GABRA3: variants seen among roughly 807,000 people sequenced by gnomAD.
The protein encoded by GABRA3 is gamma-aminobutyric acid type A receptor subunit alpha3.
A neutral mutation model predicts 30.1 loss-of-function variants in GABRA3; 10 were observed. That is an observed-to-expected ratio of 0.33 (90% CI 0.20 to 0.56). The LOEUF is 0.56. GABRA3 is among the 20% of genes least tolerant of loss of function. GABRA3 has a pLI of 0.89. For synonymous variants in GABRA3, 151 were observed against 146.8 expected (o/e 1.03, Z -0.21); for missense variants, 233 against 392.0 (o/e 0.59, Z 3.42).
rs778225241 is a variant in GABRA3 at position 152,262,493 on chromosome X, G to A, written c.331-6495C>T. Among the ~76,000 whole-genome samples, 8 of 111,735 alleles carry A rather than the reference G, an allele frequency of 7.2e-5. No homozygotes were observed. In the South Asian group the frequency reaches 1.1e-3, roughly 16 times the overall value. On this transcript the variant is annotated intron_variant, in intron 4 of 9. Transcript: ENST00000370314. ...TTTCAAATTCAAAGTTCCACAGATC[G>A]CTAGGGCAGGGGCAAAATTTCACCG...
chrX:152,411,711 A>G (rs1276779236), intron 1 of GABRA3, among the ~76,000 whole-genome samples: 1 of 111,823 alleles, frequency 8.9e-6, no homozygotes, highest in Non-Finnish European at 1.9e-5. Context: ...ACAAAATAAA[A>G]GATAGATAAA....
chrX:152,190,490 T>A (rs1937309650), intron 8 of GABRA3, among the ~76,000 whole-genome samples: 1 of 111,359 alleles, frequency 9.0e-6, no homozygotes, highest in Non-Finnish European at 1.9e-5. Flanking sequence ...CTTGTTTACT[T>A]CCTTCCCTAA....
chrX:152,309,959 T>C (rs1391548329), intron 3 of GABRA3, among the ~76,000 whole-genome samples: 1 of 110,218 alleles, frequency 9.1e-6, no homozygotes, highest in Non-Finnish European at 1.9e-5. Context: ...CAAACAGAAA[T>C]CCAAAAAAAG....
intron 3 of GABRA3, among the ~76,000 whole-genome samples, chrX:152,306,500 C>G (rs939055576): frequency 8.9e-6 from 1 of 112,014 alleles, no homozygotes; most frequent in African/African-American, 3.2e-5. Flanking sequence ...TTTGCAATCA[C>G]TGTTGCTTAA....
At chrX:152,173,001 T>C (rs1273648440) in intron 9 of GABRA3, among the ~76,000 whole-genome samples, 4 of 111,110 alleles carry the variant, frequency 3.6e-5, no homozygotes, top group Non-Finnish European at 5.7e-5. Context: ...CATATATGAT[T>C]AAATCAGAGA....
rs753881913 is a variant in GABRA3 at position 152,241,285 on chromosome X, G to T, written c.551+14493C>A. Reference sequence around the variant, plus strand: ...TGAGGTGTCAGTGTGCCCCTGCTGGGGGGTGCCTCCCAGTTAGGCTGCTCA... The same window carrying T: ...TGAGGTGTCAGTGTGCCCCTGCTGGTGGGTGCCTCCCAGTTAGGCTGCTCA... On this transcript the variant is annotated intron_variant, in intron 5 of 9. Coordinates refer to ENST00000370314, the MANE Select transcript of GABRA3 (RefSeq NM_000808.4). Among the ~76,000 whole-genome samples the T allele has an allele frequency of 9.7e-3, 854 of 87,699 alleles. 16 individuals carry two copies. Among genetic ancestry groups the T allele is most frequent in the African/African-American group, 0.027 (806 of 29,319 alleles). 76.2% of individuals were successfully genotyped at this position (87,699 alleles called of 115,157 possible).
chrX:152,171,857 GT>G (rs1260394362), intron 9 of GABRA3, among the ~76,000 whole-genome samples: 20 of 111,870 alleles, frequency 1.8e-4, no homozygotes, highest in African/African-American at 6.5e-4. Flanking sequence ...TTTCATGTGG[GT>G]TTTGTGATGA....
intron 1 of GABRA3, among the ~76,000 whole-genome samples, chrX:152,390,023 C>T (rs755064728): frequency 9.0e-6 from 1 of 111,074 alleles, no homozygotes; most frequent in Non-Finnish European, 1.9e-5. Flanking sequence ...GATTTGGGGG[C>T]AAAGTAAATG....
intron 2 of GABRA3, among the ~76,000 whole-genome samples, chrX:152,358,330 G>A (rs934466797): frequency 9.0e-5 from 10 of 111,340 alleles, no homozygotes; most frequent in African/African-American, 2.3e-4. Context: ...ATGGGATTGC[G>A]TTTTTGATTT....
intron 5 of GABRA3, among the ~76,000 whole-genome samples, chrX:152,232,686 C>CAT (rs760935178): frequency 5.7e-5 from 6 of 105,954 alleles, no homozygotes; most frequent in Non-Finnish European, 9.7e-5. Flanking sequence ...TATATATATA[C>CAT]ATATATATAT....
intron 4 of GABRA3, among the ~76,000 whole-genome samples, chrX:152,270,972 T>G (rs979488048): frequency 9.2e-6 from 1 of 109,077 alleles, no homozygotes; most frequent in Non-Finnish European, 1.9e-5. Flanking sequence ...TTCTTTTTTT[T>G]TTTTTTGAGA....
chrX:152,300,337 G>C (rs1457995130), intron 3 of GABRA3, among the ~76,000 whole-genome samples: 2 of 110,974 alleles, frequency 1.8e-5, no homozygotes, highest in African/African-American at 3.3e-5. Flanking sequence ...ACGAGATGTA[G>C]ACTATCACCC....
chrX:152,269,846 AATGGATTGAAGACTT>A (rs1243508542), intron 4 of GABRA3, among the ~76,000 whole-genome samples: 3 of 111,986 alleles, frequency 2.7e-5, no homozygotes, highest in Non-Finnish European at 5.6e-5. Context: ...ATAAAATCAA[AATGGATTGAAGACTT>A]AAATTTAAGA....
intron 2 of GABRA3, among the ~76,000 whole-genome samples, chrX:152,359,617 G>C (rs143147872): frequency 3.3e-3 from 363 of 110,063 alleles, no homozygotes; most frequent in African/African-American, 0.012. Context: ...TTTCCTCTTG[G>C]TTCTCTAGTT....
At chrX:152,292,184 C>A (rs1007478328) in intron 3 of GABRA3, among the ~76,000 whole-genome samples, 5 of 111,527 alleles carry the variant, frequency 4.5e-5, no homozygotes, top group South Asian at 3.7e-4. Context: ...ATTATTGTCT[C>A]AATTTCAGAG....
intron 4 of GABRA3, among the ~76,000 whole-genome samples, chrX:152,265,351 A>G (rs1291122243): frequency 8.9e-6 from 1 of 111,752 alleles, no homozygotes; most frequent in Non-Finnish European, 1.9e-5. Context: ...GGAATTTTGG[A>G]AACTACACAA....
rs751438293 is a variant in GABRA3 at position 152,262,058 on chromosome X, C to T, written c.331-6060G>A. ...AGCTGCCAAGGCTTGGGGCTTGCAC[C>T]GTCTGAAGCCATGGCCTGAGCTGTA... is the stretch of plus-strand genomic sequence containing the variant. On this transcript the variant is annotated intron_variant, in intron 4 of 9. Coordinates refer to ENST00000370314, the MANE Select transcript of GABRA3 (RefSeq NM_000808.4). 1.0e-3 allele frequency among the ~76,000 whole-genome samples: 115 copies of T among 112,443 alleles called. No homozygotes were observed. The Middle Eastern group carries it at 0.014, about 13-fold the overall frequency.
rs185901224 is a variant in GABRA3 at position 152,247,401 on chromosome X, T to G, written c.551+8377A>C. 1.5e-3 allele frequency among the ~76,000 whole-genome samples: 170 copies of G among 111,156 alleles called. 1 individual carries two copies. Among genetic ancestry groups the G allele is most frequent in the African/African-American group, 5.4e-3 (167 of 30,658 alleles). ...GCAGCTTGTCGTGTCCACTTCAGAT[T>G]TGTTATTTAAAATTGATAGGCCACA... is the stretch of plus-strand genomic sequence containing the variant. On this transcript the variant is annotated intron_variant, in intron 5 of 9. Coordinates refer to ENST00000370314, the MANE Select transcript of GABRA3 (RefSeq NM_000808.4).
Position 152,167,836 on chromosome X carries a change from T to C in GABRA3, c.*392A>G, listed in dbSNP as rs201043139. The C allele has an allele frequency of 1.8e-5, 3 of 167,754 alleles. No individual in the cohort carries two copies. The South Asian group carries it at 5.1e-4, about 28-fold the overall frequency. 13.8% of individuals were successfully genotyped at this position (167,754 alleles called of 1,213,427 possible). ...GTAAGTTAGAGTCATCTGATCTAGA[T>C]GGGAGTCAACAATTCTCCTTGTTCT... On this transcript the variant is annotated 3_prime_UTR_variant, in exon 10 of 10. Transcript: ENST00000370314.
Sources: allele counts gnomAD v4.1 joint callset (sites outside exome capture counted in the v4.1 genomes callset), GRCh38; gene constraint gnomAD v4.1.1; transcripts MANE v1.5; gene names NCBI Gene and HGNC (gene_info 2026-07-23, HGNC 2026-07-21).